The following FSTL4 variants were observed in gnomAD, a reference collection of about 807,000 sequenced individuals.
The protein encoded by FSTL4 is follistatin like 4, also known as follistatin-related protein 4.
Under a neutral mutation model 78.2 loss-of-function variants are expected in FSTL4, and 28 were observed. That is an observed-to-expected ratio of 0.36 (90% confidence interval 0.27 to 0.49). The LOEUF (loss-of-function observed/expected upper bound fraction) is 0.49. FSTL4 is among the 20% of genes least tolerant of loss of function. The pLI is 0.98. For synonymous variants in FSTL4, 422 were observed against 440.5 expected (o/e 0.96, Z 0.53); for missense variants, 922 against 1,084.9 (o/e 0.85, Z 2.11).
chr5:133,374,411 T>C (rs1459124647), intron 4 of FSTL4, among the ~76,000 whole-genome samples: 5 of 152,188 alleles, frequency 3.3e-5, no homozygotes, highest in African/African-American at 1.2e-4. Flanking sequence ...CCATCTCTTC[T>C]CTGTGGAATT....
Position 133,197,757 on chromosome 5 carries a change from CAT to C in FSTL4, c.*1336_*1337del, listed in dbSNP as rs1750186637. ...AACCAGGACACATGTAAGTTCCACT[CAT>C]ATGTGGGAGAGGGAAGGCGAGCCTG... On this transcript the variant is annotated 3_prime_UTR_variant, in exon 16 of 16. Transcript: ENST00000265342. 1 of 152,200 alleles carries C rather than the reference CAT, an allele frequency of 6.6e-6. No individual in the cohort carries two copies. Among genetic ancestry groups the C allele is most frequent in the African/African-American group, 2.4e-5 (1 of 41,430 alleles). The allele number at this position is 152,200 out of a possible 1,614,324, so 9.4% of individuals were successfully genotyped here.
intron 13 of FSTL4, among the ~76,000 whole-genome samples, chr5:133,213,297 C>T (rs1750800814): frequency 6.6e-6 from 1 of 150,690 alleles, no homozygotes; most frequent in South Asian, 2.1e-4. Context: ...GCCACCGTGC[C>T]TGGCCTGAGA....
At chr5:133,715,594 C>T in the FSTL4 span, among the ~76,000 whole-genome samples, 1 of 152,126 alleles carries the variant, frequency 6.6e-6, no homozygotes, top group African/African-American at 2.4e-5. Context: ...ATTAACTTTA[C>T]TTAGGCTGGT....
At chr5:133,342,321 C>T (rs1289599157) in intron 4 of FSTL4, among the ~76,000 whole-genome samples, 3 of 152,066 alleles carry the variant, frequency 2.0e-5, no homozygotes, top group Non-Finnish European at 4.4e-5. Context: ...GCACCAGGGG[C>T]AGGTTGCAGA....
chr5:133,618,684 T>A, the FSTL4 span, among the ~76,000 whole-genome samples: 10 of 152,376 alleles, frequency 6.6e-5, no homozygotes, highest in African/African-American at 2.4e-4. Context: ...TTGCATAAAT[T>A]AAGCTCAAAG....
chr5:133,517,172 C>T lies in FSTL4; in HGVS notation c.160+50014G>A, dbSNP rs369989665. On this transcript the variant is annotated intron_variant, in intron 3 of 15. Transcript: ENST00000265342. ...GGTCAGTGGCACATGTCTGTAATCC[C>T]AGCACTTTGGGAGGCCAAGGTGGGT... Among the ~76,000 whole-genome samples, 39 of 151,598 alleles carry T rather than the reference C, an allele frequency of 2.6e-4. No homozygotes were observed. The East Asian group carries it at 3.7e-3, about 14-fold the overall frequency.
chr5:133,766,298 GA>G, the FSTL4 span, among the ~76,000 whole-genome samples: 2 of 152,142 alleles, frequency 1.3e-5, no homozygotes, highest in Non-Finnish European at 2.9e-5. Context: ...AAAAGAAGAA[GA>G]GGAGGAAAGA....
chr5:133,655,273 G>A, the FSTL4 span, among the ~76,000 whole-genome samples: 2 of 152,014 alleles, frequency 1.3e-5, no homozygotes, highest in African/African-American at 4.8e-5. Flanking sequence ...CTTCACCTTA[G>A]ATTAAGCCAG....
chr5:133,274,471 A>G (rs1027779505), intron 6 of FSTL4, among the ~76,000 whole-genome samples: 1 of 122,944 alleles, frequency 8.1e-6, no homozygotes, highest in South Asian at 2.9e-4. Flanking sequence ...AGTGTCTTCA[A>G]CTTCATAACC....
chr5:133,458,900 G>C (rs1025115147), intron 3 of FSTL4, among the ~76,000 whole-genome samples: 6 of 152,306 alleles, frequency 3.9e-5, no homozygotes, highest in Admixed American at 1.3e-4. Context: ...GGAGCAGCAG[G>C]GGGTAGGGTG....
intron 6 of FSTL4, among the ~76,000 whole-genome samples, chr5:133,308,876 C>T (rs1274280130): frequency 2.0e-5 from 3 of 152,190 alleles, no homozygotes; most frequent in Non-Finnish European, 4.4e-5. Context: ...GACCTTCACA[C>T]GTGAAGCCCT....
At chr5:133,698,443 C>T in the FSTL4 span, among the ~76,000 whole-genome samples, 1 of 152,188 alleles carries the variant, frequency 6.6e-6, no homozygotes, top group Non-Finnish European at 1.5e-5. Flanking sequence ...AGCCAGGTGA[C>T]CTTGGTGGGG....
intron 4 of FSTL4, among the ~76,000 whole-genome samples, chr5:133,325,693 TAGTAACCAGCCACTCTCTGG>T (rs907984195): frequency 6.6e-6 from 1 of 152,092 alleles, no homozygotes; most frequent in African/African-American, 2.4e-5. Context: ...AGAAACCACA[TAGTAACCAGCCACTCTCTGG>T]AGCTGCAGTC....
At chr5:133,577,367 C>T (rs930699509) in intron 2 of FSTL4, among the ~76,000 whole-genome samples, 2 of 152,080 alleles carry the variant, frequency 1.3e-5, no homozygotes, top group African/African-American at 4.8e-5. Flanking sequence ...GTCAGTGTTC[C>T]CCTCCTGCAC....
the FSTL4 span, among the ~76,000 whole-genome samples, chr5:133,840,351 G>A: frequency 6.6e-6 from 1 of 152,192 alleles, no homozygotes; most frequent in Non-Finnish European, 1.5e-5. Context: ...AAGGAGAGAA[G>A]GGGAAATTTA....
At chr5:133,332,654 T>C (rs1200716490) in intron 4 of FSTL4, among the ~76,000 whole-genome samples, 1 of 152,212 alleles carries the variant, frequency 6.6e-6, no homozygotes, top group Admixed American at 6.5e-5. Flanking sequence ...GACTTATGCT[T>C]TGAAAATGTG....
intron 1 of FSTL4, among the ~76,000 whole-genome samples, chr5:133,607,748 C>T (rs1212658919): frequency 1.3e-5 from 2 of 152,126 alleles, no homozygotes; most frequent in Admixed American, 6.5e-5. Context: ...TGAAAGCTGC[C>T]ACGAGCTACT....
At chr5:133,827,409 C>T in the FSTL4 span, among the ~76,000 whole-genome samples, 2 of 152,034 alleles carry the variant, frequency 1.3e-5, no homozygotes, top group African/African-American at 2.4e-5. Context: ...AGGAGTGTCG[C>T]GGATGCCTGC....
At chr5:133,752,188 T>C in the FSTL4 span, among the ~76,000 whole-genome samples, 2 of 152,334 alleles carry the variant, frequency 1.3e-5, no homozygotes, top group South Asian at 4.1e-4. Context: ...GGATCCTTGG[T>C]TGTGGGCCTC....
Sources: allele counts gnomAD v4.1 joint callset (sites outside exome capture counted in the v4.1 genomes callset), GRCh38; gene constraint gnomAD v4.1.1; transcripts MANE v1.5; gene names NCBI Gene and HGNC (gene_info 2026-07-23, HGNC 2026-07-21).